Variants in APOBEC3D observed in about 807,000 individuals in gnomAD.
The protein encoded by APOBEC3D is apolipoprotein B mRNA editing enzyme catalytic subunit 3D.
A neutral mutation model predicts 45.6 loss-of-function variants in APOBEC3D; 37 were observed. That is an observed-to-expected ratio of 0.81 (90% confidence interval 0.62 to 1.07). The LOEUF is 1.07. Ranked by LOEUF, APOBEC3D falls within the 50% of genes least tolerant of loss-of-function variation. The pLI, the probability that APOBEC3D is intolerant of heterozygous loss-of-function variation, is 0.00. For synonymous variants in APOBEC3D, 175 were observed against 180.7 expected (o/e 0.97, Z 0.25); for missense variants, 496 against 495.3 (o/e 1.00, Z -0.01).
At chr22:39,029,321 C>T in intron 4 of APOBEC3D, 42 bp from the exon 5 acceptor site, 1 of 1,610,430 alleles carries the variant, frequency 6.2e-7, no homozygotes, top group Admixed American at 1.7e-5. Flanking sequence ...GGCATCAGCT[C>T]CGAGGAATCT....
rs143474193 is a variant in APOBEC3D at position 39,025,422 on chromosome 22, T to C, written c.490+73T>C. On this transcript the variant is annotated intron_variant, in intron 3 of 6. Transcript: ENST00000216099. ...AGAGATGGATGGATCTGCAATGCCA[T>C]GGCTGGGGGTGTTCCAGGGCAGCCT... The C allele has an allele frequency of 3.2e-4, 519 of 1,612,756 alleles. 7 individuals are homozygous for C. The East Asian group carries it at 0.011, about 35-fold the overall frequency.
chr22:39,027,864 C>T (rs955087292), intron 4 of APOBEC3D, among the ~76,000 whole-genome samples: 3 of 152,206 alleles, frequency 2.0e-5, no homozygotes, highest in Non-Finnish European at 4.4e-5. Flanking sequence ...CCAGCCCATG[C>T]CCCCTGCTGA....
chr22:39,025,727 C>T, intron 4 of APOBEC3D, 56 bp downstream of exon 4: 1 of 1,612,048 alleles, frequency 6.2e-7, no homozygotes, highest in Non-Finnish European at 8.5e-7. Context: ...TGCTCATCCT[C>T]CTGAGGACTC....
At position 39,032,585 on chromosome 22, in the gene APOBEC3D, A is replaced by C. The variant is rs543144989; in HGVS notation, c.*269A>C. On this transcript the variant is annotated 3_prime_UTR_variant, in exon 7 of 7. Transcript: ENST00000216099. ...CTCTTCCCATCTCCCCAGCATAACC[A>C]AATCTTTTTTTTTTTTTTTTTTTTT... The C allele has an allele frequency of 1.9e-5, 21 of 1,116,156 alleles. No individual in the cohort carries two copies. The East Asian group carries it at 9.7e-4, about 52-fold the overall frequency. 69.1% of individuals were successfully genotyped at this position (1,116,156 alleles called of 1,614,324 possible).
At position 39,032,696 on chromosome 22, in the gene APOBEC3D, T is replaced by C. The variant is rs1926347458; in HGVS notation, c.*380T>C. ...GCAAACTCTGCTTACTGGGTTCAAG[T>C]GATTCTCCTGTCTCAGCTTCTGAGT... On this transcript the variant is annotated 3_prime_UTR_variant, in exon 7 of 7. Coordinates refer to ENST00000216099, the MANE Select transcript of APOBEC3D (RefSeq NM_152426.4). The C allele has an allele frequency of 2.6e-6, 2 of 756,466 alleles. No homozygotes were observed. Among genetic ancestry groups the C allele is most frequent in the Non-Finnish European group, 3.2e-6 (2 of 620,356 alleles). The allele number at this position is 756,466 out of a possible 1,614,324, so 46.9% of individuals were successfully genotyped here. A position where few individuals can be genotyped will look rare whatever the true frequency, so the allele number is the denominator to read the frequency against.
At chr22:39,027,898 C>G (rs545264208) in intron 4 of APOBEC3D, among the ~76,000 whole-genome samples, 3 of 152,226 alleles carry the variant, frequency 2.0e-5, no homozygotes, top group African/African-American at 7.2e-5. Flanking sequence ...GAGTCATGCC[C>G]GGGCTGGTGC....
At position 39,021,406 on chromosome 22, in the gene APOBEC3D, G is replaced by A. The variant is rs112611184; in HGVS notation, c.-114G>A. ...CAGGCGTGAGCCACCGTGCCCGGCC[G>A]GGAGGTCACTTTAAGGAGGGCTGTC... On this transcript the variant is annotated 5_prime_UTR_variant, in exon 1 of 7. Transcript: ENST00000216099. The A allele has an allele frequency of 2.0e-4, 307 of 1,499,088 alleles. No individual in the cohort carries two copies. Among genetic ancestry groups the A allele is most frequent in the Non-Finnish European group, 2.5e-4 (267 of 1,083,644 alleles). 92.9% of individuals were successfully genotyped at this position (1,499,088 alleles called of 1,614,324 possible).
At chr22:39,025,915 G>C (rs1925614262) in intron 4 of APOBEC3D, among the ~76,000 whole-genome samples, 1 of 152,086 alleles carries the variant, frequency 6.6e-6, no homozygotes, top group Admixed American at 6.6e-5. Context: ...CACCCCCGAG[G>C]CTGCCCTCCC....
chr22:39,029,632 C>A, intron 5 of APOBEC3D, 113 bp downstream of exon 5: 28 of 1,170,284 alleles, frequency 2.4e-5, no homozygotes, highest in Non-Finnish European at 3.2e-5. Context: ...TTTCCTCTTA[C>A]ATTTCTTTCT....
chr22:39,031,999 T>G, intron 6 of APOBEC3D, 26 bp downstream of exon 6: 1 of 1,610,650 alleles, frequency 6.2e-7, no homozygotes, highest in East Asian at 2.2e-5. Context: ...CTGAGGAGAG[T>G]GGGTGCGGGA....
At position 39,022,852 on chromosome 22, in the gene APOBEC3D, A is replaced by G; in HGVS notation, c.48A>G (p.Thr16=). The G allele has an allele frequency of 1.2e-6, 2 of 1,611,102 alleles. No individual in the cohort carries two copies. The highest frequency in any genetic ancestry group is 4.5e-5 in the East Asian group (2 of 44,850). ...RNPMERMYRD[T]FYDNFENEPI... is the part of the protein sequence containing the mutation. ...CGATGGAGCGGATGTATCGAGACAC[A>G]TTCTACGACAACTTTGAAAACGAAC... is the stretch of plus-strand genomic sequence containing the variant. Residue 16 remains threonine (T), a synonymous_variant, in exon 2 of 7, where the codon ACA becomes ACG. Coordinates refer to ENST00000216099, the MANE Select transcript of APOBEC3D (RefSeq NM_152426.4).
At chr22:39,030,314 C>T (rs1310240129) in intron 5 of APOBEC3D, among the ~76,000 whole-genome samples, 1 of 109,042 alleles carries the variant, frequency 9.2e-6, no homozygotes, top group African/African-American at 3.1e-5. Context: ...TCCTCCCAGG[C>T]AGGAGATTTT....
intron 6 of APOBEC3D, 58 bp from the exon 7 acceptor site, chr22:39,032,140 C>A (rs1926287205): frequency 6.3e-7 from 1 of 1,599,432 alleles, no homozygotes; most frequent in Middle Eastern, 1.7e-4. Flanking sequence ...GGGGAGGGCC[C>A]AGGGCCGGGA....
In APOBEC3D at chr22:39,031,712, T is replaced by A. The variant is rs200800000; in HGVS notation, c.781T>A (p.Cys261Ser). 6.5e-4 allele frequency: 1,042 copies of A among 1,612,336 alleles called. 2 individuals are homozygous for A. Among genetic ancestry groups the A allele is most frequent in the Non-Finnish European group, 8.5e-4 (996 of 1,178,516 alleles). Reference protein sequence around the residue: ...FRNQVDPETHCHAERCFLSWF... With the variant: ...FRNQVDPETHSHAERCFLSWF... Reference sequence around the variant, plus strand: ...TCCCCAGGTGGATCCTGAGACCCATTGTCATGCAGAAAGGTGCTTCCTCTC... The same window carrying A: ...TCCCCAGGTGGATCCTGAGACCCATAGTCATGCAGAAAGGTGCTTCCTCTC... The change falls in exon 6 of 7, where the codon TGT becomes AGT. Residue 261 changes from cysteine (C) to serine (S), a missense_variant. By Grantham distance (112) the Cys-to-Ser change is moderately radical. Transcript: ENST00000216099.
intron 4 of APOBEC3D, among the ~76,000 whole-genome samples, chr22:39,026,335 C>T (rs1212038340): frequency 6.6e-6 from 1 of 152,164 alleles, no homozygotes; most frequent in African/African-American, 2.4e-5. Context: ...AAATGTCCTC[C>T]TTGTTTATGG....
intron 2 of APOBEC3D, 92 bp from the exon 3 acceptor site, chr22:39,024,978 G>A (rs1172450667): frequency 8.9e-7 from 1 of 1,124,052 alleles, no homozygotes; most frequent in Non-Finnish European, 1.2e-6. Context: ...GATCCCCTGG[G>A]CTCCTGTCCT....
intron 4 of APOBEC3D, among the ~76,000 whole-genome samples, chr22:39,026,816 G>C (rs1174988743): frequency 1.3e-5 from 2 of 151,530 alleles, no homozygotes; most frequent in African/African-American, 2.4e-5. Flanking sequence ...GCTGTGGTGC[G>C]ATCTCGGCTC....
chr22:39,029,549 A>C (rs1926001051), intron 5 of APOBEC3D, 30 bp downstream of exon 5: 1 of 1,613,120 alleles, frequency 6.2e-7, no homozygotes, highest in South Asian at 1.1e-5. Context: ...TACACCCTAA[A>C]TAGGAGCTAA....
chr22:39,031,137 G>C (rs192224099), intron 5 of APOBEC3D, among the ~76,000 whole-genome samples: 1 of 151,978 alleles, frequency 6.6e-6, no homozygotes, highest in African/African-American at 2.4e-5. Flanking sequence ...TTGCACTCCC[G>C]CCTGTGCAAC....
Sources: allele counts gnomAD v4.1 joint callset (sites outside exome capture counted in the v4.1 genomes callset), GRCh38; gene constraint gnomAD v4.1.1; transcripts MANE v1.5; gene names NCBI Gene and HGNC (gene_info 2026-07-23, HGNC 2026-07-21).